IPO5: variants seen among roughly 807,000 people sequenced by gnomAD.
The protein encoded by IPO5 is importin-5.
A neutral mutation model predicts 143.3 loss-of-function variants in IPO5; 18 were observed. The observed-to-expected ratio is 0.13, with a 90% CI of 0.09 to 0.19. The LOEUF (loss-of-function observed/expected upper bound fraction) is 0.19, where lower values mean the gene tolerates loss of function less well. Ranked by LOEUF, IPO5 falls within the 10% of genes least tolerant of loss-of-function variation. The pLI, the probability that IPO5 is intolerant of heterozygous loss-of-function variation, is 1.00. For missense variants in IPO5, 1,013 were observed against 1,336.9 expected (o/e 0.76, Z 3.78); for synonymous variants, 477 against 465.7 (o/e 1.02, Z -0.31).
intron 4 of IPO5, chr13:97,981,374 T>C: frequency 2.4e-6 from 1 of 413,640 alleles, no homozygotes. Context: ...CAGAGTTCTG[T>C]CTGCTATTCA....
chr13:98,003,080 A>C, intron 16 of IPO5, 43 bp downstream of exon 16: 1 of 1,446,152 alleles, frequency 6.9e-7, no homozygotes, highest in Non-Finnish European at 9.5e-7. Context: ...TTGTAGATTA[A>C]TTTGGGTTGA....
rs541157389 is a variant in IPO5 at position 98,023,544 on chromosome 13, T to G, written c.*1722T>G. On this transcript the variant is annotated 3_prime_UTR_variant, in exon 29 of 29. Transcript: ENST00000651721. ...TTAAAATCATGGCACACCTGCAGAA[T>G]TTCAGATGACAGTGTGGTCAGAAGA... is the stretch of plus-strand genomic sequence containing the variant. 32 of 152,348 alleles carry G rather than the reference T, an allele frequency of 2.1e-4. No homozygotes were observed. The highest frequency in any genetic ancestry group is 3.4e-3 in the Middle Eastern group (1 of 294). The allele number at this position is 152,348 out of a possible 1,614,324, so 9.4% of individuals were successfully genotyped here.
At chr13:97,999,809 A>G (rs928455554) in intron 12 of IPO5, among the ~76,000 whole-genome samples, 3 of 152,186 alleles carry the variant, frequency 2.0e-5, no homozygotes, top group Non-Finnish European at 4.4e-5. Flanking sequence ...GGGGAAGATT[A>G]TACATTCTCT....
intron 3 of IPO5, among the ~76,000 whole-genome samples, chr13:97,975,052 C>G (rs572116231): frequency 6.6e-6 from 1 of 152,314 alleles, no homozygotes; most frequent in East Asian, 1.9e-4. Context: ...AGCAGAATAG[C>G]CAACAGGAAA....
chr13:98,014,555 T>C (rs1197227571), intron 22 of IPO5, among the ~76,000 whole-genome samples: 1 of 152,208 alleles, frequency 6.6e-6, no homozygotes, highest in Non-Finnish European at 1.5e-5. Context: ...TAAATAAATT[T>C]TTATATGCTA....
In IPO5 at chr13:97,994,334, A is replaced by G. The variant is rs1052915215; in HGVS notation, c.913+1109A>G. Among the ~76,000 whole-genome samples, 4 of 152,234 alleles carry G rather than the reference A, an allele frequency of 2.6e-5. No homozygotes were observed. The East Asian group carries it at 7.7e-4, about 29-fold the overall frequency. ...AAAAAAAGAATTAGAAAACAAAAAT[A>G]TTGCTTATTTGTAGGCTATGTGGTT... On this transcript the variant is annotated intron_variant, in intron 11 of 28. Coordinates refer to ENST00000651721, the MANE Select transcript of IPO5 (RefSeq NM_002271.6).
Position 98,010,123 on chromosome 13 carries a change from A to C in IPO5, c.1954A>C (p.Ser652Arg), listed in dbSNP as rs778886394. ...LLDTQDMENMSDDDGWEFVNL... is the reference protein window; with the variant it reads ...LLDTQDMENMRDDDGWEFVNL... Reference sequence around the variant, plus strand: ...AATAGCCCAAGACATGGAGAATATGAGTGATGATGATGGTTGGGAATTTGT... The same window carrying C: ...AATAGCCCAAGACATGGAGAATATGCGTGATGATGATGGTTGGGAATTTGT... The change falls in exon 20 of 29, where the codon AGT (serine) becomes CGT (arginine). Residue 652 changes from serine (S) to arginine (R), a missense_variant. Ser to Arg is a moderately radical substitution (Grantham distance 110). Around this residue, in one of 2 missense-constraint regions of IPO5, gnomAD observed 685 missense variants for 994.9 expected, o/e 0.69. Transcript: ENST00000651721. The C allele has an allele frequency of 6.2e-7, 1 of 1,613,978 alleles. No homozygotes were observed. Among genetic ancestry groups the C allele is most frequent in the Non-Finnish European group, 8.5e-7 (1 of 1,179,976 alleles).
rs1478361075 is a variant in IPO5, at chr13:98,010,234, C to T, written c.2055+10C>T. On this transcript the variant is annotated intron_variant, in intron 20 of 28. Transcript: ENST00000651721. ...TGCTTGCCAGATGTTGGTAAGAGAG[C>T]ACTGTTTTTACTAAACTTTTATTTT... 2 of 1,610,466 alleles carry T rather than the reference C, an allele frequency of 1.2e-6. No homozygotes were observed. The highest frequency in any genetic ancestry group is 3.4e-5 in the Admixed American group (2 of 59,122).
At chr13:97,995,711 C>T (rs886954505) in intron 11 of IPO5, among the ~76,000 whole-genome samples, 24 of 151,932 alleles carry the variant, frequency 1.6e-4, no homozygotes, top group Admixed American at 2.6e-4. Context: ...GCCGAGATAC[C>T]GCCACTGCAC....
intron 6 of IPO5, among the ~76,000 whole-genome samples, chr13:97,986,362 T>A (rs181734880): frequency 0.017 from 2,552 of 147,986 alleles, 37 homozygotes; most frequent in East Asian, 0.084. Flanking sequence ...ATATATATAT[T>A]TTTTTTTTTT....
chr13:97,979,283 G>C (rs1189977676), intron 4 of IPO5, among the ~76,000 whole-genome samples: 2 of 152,130 alleles, frequency 1.3e-5, no homozygotes, highest in Non-Finnish European at 2.9e-5. Flanking sequence ...CCAAACTGTT[G>C]ACTAAGGTGA....
In IPO5 at chr13:97,969,979, G is replaced by A. The variant is rs149055455; in HGVS notation, c.-5+149G>A. 1.4e-3 allele frequency: 895 copies of A among 626,396 alleles called. 5 individuals carry two copies. In the African/African-American group the frequency reaches 0.015, roughly 11 times the overall value. 38.8% of individuals were successfully genotyped at this position (626,396 alleles called of 1,614,324 possible). A position where few individuals can be genotyped will look rare whatever the true frequency, so the allele number is the denominator to read the frequency against. Reference sequence around the variant, plus strand: ...CTCCCAAAGTGCTGGGATTACAGGCGTGAGCCATCACACCCAGCCAAAAGT... The same window carrying A: ...CTCCCAAAGTGCTGGGATTACAGGCATGAGCCATCACACCCAGCCAAAAGT... On this transcript the variant is annotated intron_variant, in intron 3 of 28. Coordinates refer to ENST00000651721, the MANE Select transcript of IPO5 (RefSeq NM_002271.6).
intron 13 of IPO5, chr13:98,002,135 C>T (rs1888851202): frequency 6.0e-6 from 1 of 166,466 alleles, no homozygotes; most frequent in Non-Finnish European, 1.3e-5. Flanking sequence ...CTGCCTCAGC[C>T]TCCCGAGTAG....
chr13:97,964,443 CTTTTTTTTTTTT>C (rs369952371), intron 2 of IPO5, among the ~76,000 whole-genome samples: 2,315 of 108,250 alleles, frequency 0.021, 82 homozygotes, highest in African/African-American at 0.072. Context: ...CCATTTCTTT[CTTTTTTTTTTTT>C]TTTTTTTTTG....
At chr13:98,000,714 T>A (rs747078644) in intron 13 of IPO5, 69 bp downstream of exon 13, 3 of 937,488 alleles carry the variant, frequency 3.2e-6, no homozygotes, top group Non-Finnish European at 5.2e-6. Flanking sequence ...TTCTAAGATA[T>A]GTTTAGACTG....
intron 5 of IPO5, among the ~76,000 whole-genome samples, chr13:97,984,768 A>G (rs896529225): frequency 7.2e-5 from 11 of 152,172 alleles, no homozygotes; most frequent in African/African-American, 2.4e-4. Context: ...AATATTCCCA[A>G]TAGCTTATTG....
intron 2 of IPO5, among the ~76,000 whole-genome samples, chr13:97,958,169 T>C (rs1884589959): frequency 6.6e-6 from 1 of 152,182 alleles, no homozygotes; most frequent in Admixed American, 6.5e-5. Context: ...CTCTTCTCTC[T>C]TCCCAACCTG....
chr13:97,984,163 A>G (rs1456360230), intron 5 of IPO5, among the ~76,000 whole-genome samples: 1 of 150,176 alleles, frequency 6.7e-6, no homozygotes, highest in Non-Finnish European at 1.5e-5. Flanking sequence ...TATTTTTAGT[A>G]GAGACGGGGT....
Position 98,014,187 on chromosome 13 carries a change from C to T in IPO5, c.2298C>T (p.Leu766=), listed in dbSNP as rs200125652. 8.1e-6 allele frequency: 13 copies of T among 1,611,858 alleles called. No homozygotes were observed. In the East Asian group the frequency reaches 1.3e-4, roughly 17 times the overall value. ...AIGTEPDSDV[L]SEIMHSFAKC... ...GTACAGAACCAGATTCAGACGTCCT[C>T]TCAGAAATAATGCATTCTTTTGCAA... Residue 766 remains leucine, a synonymous_variant, in exon 22 of 29, where the codon CTC becomes CTT. Transcript: ENST00000651721.
Sources: gnomAD v4.1 joint callset for allele counts (sites outside exome capture counted in the v4.1 genomes callset) on GRCh38, gnomAD v4.1.1 for gene constraint, gnomAD v4.1.1 regional missense constraint, MANE v1.5 for transcripts, NCBI Gene and HGNC (gene_info 2026-07-23, HGNC 2026-07-21) for gene names.